Variants in NRXN1 observed in about 807,000 individuals in gnomAD.
NRXN1 encodes neurexin-1.
NRXN1 carries 39 observed loss-of-function variants against 150.9 expected under a neutral mutation model. The observed-to-expected ratio is 0.26, with a 90% CI of 0.20 to 0.34. The LOEUF (loss-of-function observed/expected upper bound fraction) is 0.34, where lower values mean the gene tolerates loss of function less well. NRXN1 is among the 10% of genes least tolerant of loss of function. The probability of loss-of-function intolerance (pLI) is 1.00; values close to 1 mark genes in which losing one functional copy is unlikely to be tolerated. For missense variants in NRXN1, 1,815 were observed against 1,949.9 expected, an observed-to-expected ratio of 0.93 and a Z score of 1.30; for synonymous variants, 924 against 757.0, an observed-to-expected ratio of 1.22 and a Z score of -3.62.
intron 17 of NRXN1, among the ~76,000 whole-genome samples, chr2:50,454,325 C>T (rs1312320799): frequency 6.6e-6 from 1 of 151,560 alleles, no homozygotes; most frequent in Non-Finnish European, 1.5e-5. Context: ...GAATCCATCT[C>T]GAAGTAAATA....
At chr2:50,037,614 T>G (rs1017819499) in intron 21 of NRXN1, among the ~76,000 whole-genome samples, 4 of 152,206 alleles carry the variant, frequency 2.6e-5, no homozygotes, top group Non-Finnish European at 1.5e-5. Context: ...GCTTACCACA[T>G]CATATACTTC....
At chr2:50,656,686 C>T (rs931646783) in intron 5 of NRXN1, among the ~76,000 whole-genome samples, 2 of 151,856 alleles carry the variant, frequency 1.3e-5, no homozygotes, top group Admixed American at 6.6e-5. Context: ...CTTCACAGCC[C>T]TCATGTCCCC....
intron 17 of NRXN1, among the ~76,000 whole-genome samples, chr2:50,239,001 A>G (rs1168300336): frequency 6.6e-6 from 1 of 152,044 alleles, no homozygotes; most frequent in Non-Finnish European, 1.5e-5. Context: ...CAAAAGCACC[A>G]GTCAGTGCAC....
At chr2:50,248,292 G>A (rs2066699612) in intron 17 of NRXN1, among the ~76,000 whole-genome samples, 2 of 152,134 alleles carry the variant, frequency 1.3e-5, no homozygotes, top group South Asian at 2.1e-4. Flanking sequence ...GGGATTCTGG[G>A]TGTGAGCTAT....
intron 2 of NRXN1, among the ~76,000 whole-genome samples, chr2:50,947,400 T>C (rs1575020640): frequency 6.6e-6 from 1 of 151,936 alleles, no homozygotes; most frequent in East Asian, 1.9e-4. Flanking sequence ...AATTTAAAAA[T>C]ATATTCTTAG....
intron 18 of NRXN1, among the ~76,000 whole-genome samples, chr2:50,223,498 A>G (rs1021173775): frequency 1.3e-5 from 2 of 151,928 alleles, no homozygotes; most frequent in Non-Finnish European, 2.9e-5. Flanking sequence ...TTTTTTAAAG[A>G]TCAAATGAAC....
intron 5 of NRXN1, among the ~76,000 whole-genome samples, chr2:50,645,833 C>T (rs895618094): frequency 2.6e-5 from 4 of 151,824 alleles, no homozygotes; most frequent in African/African-American, 4.8e-5. Flanking sequence ...AATGTAAGAT[C>T]GAGAATAGCT....
At chr2:50,372,174 G>A (rs1165025389) in intron 17 of NRXN1, among the ~76,000 whole-genome samples, 2 of 151,978 alleles carry the variant, frequency 1.3e-5, no homozygotes, top group Non-Finnish European at 2.9e-5. Flanking sequence ...CTTAGAGCTG[G>A]AAGAAACACA....
intron 12 of NRXN1, among the ~76,000 whole-genome samples, chr2:50,513,743 C>T (rs1449569789): frequency 2.0e-5 from 3 of 151,880 alleles, no homozygotes; most frequent in Non-Finnish European, 1.5e-5. Flanking sequence ...GAAGCAAAGA[C>T]CTCTAAGAGA....
At chr2:50,180,817 T>A (rs1559041454) in intron 18 of NRXN1, among the ~76,000 whole-genome samples, 1 of 152,166 alleles carries the variant, frequency 6.6e-6, no homozygotes, top group African/African-American at 2.4e-5. Context: ...TAGAGACATC[T>A]CCTTTTAAAA....
intron 22 of NRXN1, among the ~76,000 whole-genome samples, chr2:49,940,523 G>A (rs1196695236): frequency 2.0e-5 from 3 of 152,126 alleles, no homozygotes; most frequent in African/African-American, 7.2e-5. Context: ...ACCTGCAGGA[G>A]GGGCAGCCCA....
chr2:49,941,719 G>T (rs1303245228), intron 22 of NRXN1, among the ~76,000 whole-genome samples: 2 of 151,988 alleles, frequency 1.3e-5, no homozygotes, highest in Non-Finnish European at 2.9e-5. Flanking sequence ...ACTGAAAAAT[G>T]GATTACCCTG....
chr2:50,600,617 G>A (rs575705114), intron 8 of NRXN1, among the ~76,000 whole-genome samples: 11 of 152,186 alleles, frequency 7.2e-5, no homozygotes, highest in East Asian at 5.8e-4. Flanking sequence ...AAGCCATCAC[G>A]CCCAGCCAAG....
At chr2:50,310,838 GCAT>G (rs745642763) in intron 17 of NRXN1, among the ~76,000 whole-genome samples, 9 of 152,084 alleles carry the variant, frequency 5.9e-5, no homozygotes, top group East Asian at 3.8e-4. Context: ...CAGACAGAAA[GCAT>G]CACATCTTAC....
intron 17 of NRXN1, among the ~76,000 whole-genome samples, chr2:50,449,392 T>C (rs2086754265): frequency 6.6e-6 from 1 of 152,240 alleles, no homozygotes; most frequent in Non-Finnish European, 1.5e-5. Flanking sequence ...CTAAGAGAAG[T>C]CTTCCCTCAT....
intron 17 of NRXN1, among the ~76,000 whole-genome samples, chr2:50,368,265 G>A (rs939564674): frequency 2.0e-5 from 3 of 151,784 alleles, no homozygotes; most frequent in Non-Finnish European, 4.4e-5. Flanking sequence ...CAACTGGTGG[G>A]ATATCCTCCT....
chr2:50,138,955 T>C (rs1574118029), intron 18 of NRXN1, among the ~76,000 whole-genome samples: 1 of 152,176 alleles, frequency 6.6e-6, no homozygotes, highest in African/African-American at 2.4e-5. Flanking sequence ...ACGTGCCAAG[T>C]TGAGAGGTGC....
chr2:50,293,329 G>A (rs1365369887), intron 17 of NRXN1, among the ~76,000 whole-genome samples: 3 of 151,940 alleles, frequency 2.0e-5, no homozygotes, highest in Non-Finnish European at 2.9e-5. Flanking sequence ...TCGGCCCAAA[G>A]TGCCTTTCAT....
intron 17 of NRXN1, among the ~76,000 whole-genome samples, chr2:50,385,020 A>G (rs937165794): frequency 2.5e-4 from 38 of 152,228 alleles, no homozygotes; most frequent in Non-Finnish European, 4.1e-4. Context: ...TCTAGTTTCA[A>G]TGATCAGTCT....
Sources: allele counts gnomAD v4.1 joint callset (sites outside exome capture counted in the v4.1 genomes callset), GRCh38; gene constraint gnomAD v4.1.1; transcripts MANE v1.5; gene names NCBI Gene and HGNC (gene_info 2026-07-23, HGNC 2026-07-21).